The following CSMD2 variants were observed in gnomAD, a reference collection of about 807,000 sequenced individuals.
The protein encoded by CSMD2 is CUB and Sushi multiple domains 2, also known as CUB and sushi domain-containing protein 2.
Under a neutral mutation model 398.5 loss-of-function variants are expected in CSMD2, and 130 were observed. The ratio of observed to expected loss-of-function variants is 0.33; its 90% CI spans 0.28 to 0.38. The LOEUF (loss-of-function observed/expected upper bound fraction) is 0.38, where lower values mean the gene tolerates loss of function less well. Ranked by LOEUF, CSMD2 falls within the 10% of genes least tolerant of loss-of-function variation. CSMD2 has a pLI of 1.00. For missense variants in CSMD2, 3,829 were observed against 4,764.9 expected, an observed-to-expected ratio of 0.80 and a Z score of 5.78; for synonymous variants, 1,828 against 1,908.5, an observed-to-expected ratio of 0.96 and a Z score of 1.10.
At chr1:33,729,779 C>T (rs1646662865) in intron 15 of CSMD2, among the ~76,000 whole-genome samples, 1 of 152,106 alleles carries the variant, frequency 6.6e-6, no homozygotes, top group African/African-American at 2.4e-5. Context: ...TGTTTCTCAT[C>T]CATCAGATAG....
At chr1:33,934,520 T>C (rs1271062942) in intron 4 of CSMD2, among the ~76,000 whole-genome samples, 1 of 152,188 alleles carries the variant, frequency 6.6e-6, no homozygotes, top group Admixed American at 6.5e-5. Context: ...GATTGATTGT[T>C]TTTCAAAGGT....
chr1:33,712,084 G>A (rs1312788282), intron 21 of CSMD2, among the ~76,000 whole-genome samples: 2 of 152,358 alleles, frequency 1.3e-5, no homozygotes, highest in East Asian at 3.9e-4. Context: ...TGCTGTGGCT[G>A]ATTCTGGCAT....
chr1:34,033,284 A>G (rs769894677), intron 2 of CSMD2, among the ~76,000 whole-genome samples: 8 of 152,260 alleles, frequency 5.3e-5, no homozygotes, highest in Non-Finnish European at 1.0e-4. Context: ...TGGGATCAAT[A>G]GATGGAATCA....
chr1:33,855,985 G>A (rs938378975), intron 5 of CSMD2, among the ~76,000 whole-genome samples: 7 of 152,168 alleles, frequency 4.6e-5, no homozygotes, highest in African/African-American at 7.2e-5. Context: ...TTGAATCTGC[G>A]TTCTACTGTT....
chr1:33,567,953 C>T (rs1458122201), intron 52 of CSMD2, 112 bp from the exon 53 acceptor site: 1 of 1,314,602 alleles, frequency 7.6e-7, no homozygotes, highest in African/African-American at 1.5e-5. Context: ...CTCAGCATGA[C>T]AAAAATAGTG....
chr1:33,738,864 G>A (rs1015202504), intron 15 of CSMD2, among the ~76,000 whole-genome samples: 5 of 152,212 alleles, frequency 3.3e-5, no homozygotes, highest in African/African-American at 1.2e-4. Flanking sequence ...CTGTGATACC[G>A]AAGAGAGTTC....
intron 43 of CSMD2, 35 bp downstream of exon 43, chr1:33,602,333 CT>C: frequency 6.2e-7 from 1 of 1,610,128 alleles, no homozygotes; most frequent in Admixed American, 1.7e-5. Flanking sequence ...AGTAATGCTC[CT>C]TTCTAATTGG....
chr1:33,923,675 T>C (rs6698267), intron 4 of CSMD2, among the ~76,000 whole-genome samples: 5,227 of 152,266 alleles, frequency 0.034, 289 homozygotes, highest in African/African-American at 0.12. Context: ...TTTTGAAATA[T>C]ACATTGTTGT....
intron 2 of CSMD2, among the ~76,000 whole-genome samples, chr1:34,088,678 G>A (rs1658202294): frequency 1.3e-5 from 2 of 152,324 alleles, no homozygotes; most frequent in South Asian, 4.1e-4. Context: ...ATTTCTGTGT[G>A]TACAAATAAT....
chr1:33,651,722 C>T (rs1246404555), intron 28 of CSMD2, among the ~76,000 whole-genome samples: 1 of 152,166 alleles, frequency 6.6e-6, no homozygotes, highest in African/African-American at 2.4e-5. Context: ...GTGGATAAAA[C>T]ACAGAAAGGC....
chr1:34,121,978 G>A (rs1206721489), intron 1 of CSMD2, among the ~76,000 whole-genome samples: 1 of 147,518 alleles, frequency 6.8e-6, no homozygotes. Flanking sequence ...TCAGGCAGCT[G>A]GAAGGAATTT....
At position 33,698,708 on chromosome 1, in the gene CSMD2, T is replaced by C. The variant is rs375880836; in HGVS notation, c.3925+45A>G. 4 of 1,562,372 alleles carry C rather than the reference T, an allele frequency of 2.6e-6. No homozygotes were observed. The African/African-American group carries it at 5.4e-5, about 21-fold the overall frequency. ...ATGAGACCAGGACTAGAGCTTGGTA[T>C]TATGGGAGACCCAAGGGTTCCCTGC... On this transcript the variant is annotated intron_variant, in intron 24 of 70. Transcript: ENST00000373381.
At position 33,772,641 on chromosome 1, in the gene CSMD2, C is replaced by A. The variant is rs1468394344; in HGVS notation, c.1774G>T (p.Glu592Ter). The A allele has an allele frequency of 2.5e-6, 4 of 1,614,126 alleles. No individual in the cohort carries two copies. Residue 592 changes from glutamate (E) to a stop codon, truncating the protein, a stop_gained, in exon 13 of 71, where the codon GAG (glutamate) becomes TAG (stop). Transcript: ENST00000373381. LOFTEE classifies it high-confidence loss of function. The part of the protein sequence containing the change: ...TLKFECQPAF[E>*]LVGQKAITCQ... ...GTGATTGCCTTCTGTCCCACCAGCTCAAAGGCGGGCTGGCACTCAAACTTG... is the reference window on the plus strand; with the variant it reads ...GTGATTGCCTTCTGTCCCACCAGCTAAAAGGCGGGCTGGCACTCAAACTTG...
chr1:33,595,746 T>G lies in CSMD2; in HGVS notation c.6856+5119A>C, dbSNP rs544623533. On this transcript the variant is annotated intron_variant, in intron 44 of 70. Coordinates refer to ENST00000373381, the MANE Select transcript of CSMD2 (RefSeq NM_001281956.2). The stretch of plus-strand genomic sequence containing the variant: ...CTTAGTTTCTGCCATAAGATATTCC[T>G]GGCTTGTCTTCTACTTTCTCTGCCC... 8.1e-4 allele frequency among the ~76,000 whole-genome samples: 124 copies of G among 152,368 alleles called. 1 individual carries two copies. Among genetic ancestry groups the G allele is most frequent in the Non-Finnish European group, 1.2e-3 (80 of 68,032 alleles).
rs532805119 is a variant in CSMD2 at position 33,523,852 on chromosome 1, G to A, written c.10397-433C>T. 3.3e-5 allele frequency among the ~76,000 whole-genome samples: 5 copies of A among 152,306 alleles called. No homozygotes were observed. The South Asian group carries it at 1.0e-3, about 32-fold the overall frequency. On this transcript the variant is annotated intron_variant, in intron 66 of 70. Coordinates refer to ENST00000373381, the MANE Select transcript of CSMD2 (RefSeq NM_001281956.2). ...CCTGCAGTTGCGTAGGTGTGTGCAC[G>A]TATGAATGCGTAGATAGGATTTTAT...
chr1:34,052,240 A>C (rs918040942), intron 2 of CSMD2, among the ~76,000 whole-genome samples: 7 of 151,872 alleles, frequency 4.6e-5, no homozygotes, highest in African/African-American at 1.7e-4. Context: ...GAGTCAACCA[A>C]CCATGCATTG....
rs74499593 is a variant in CSMD2 at position 34,138,036 on chromosome 1, C to T, written c.187+26875G>A. Among the ~76,000 whole-genome samples, 1,481 of 152,274 alleles carry T rather than the reference C, an allele frequency of 9.7e-3. 22 individuals are homozygous for T. The highest frequency in any genetic ancestry group is 0.033 in the African/African-American group (1,387 of 41,540). Reference sequence around the variant, plus strand: ...CAGAATGATAAGCAAGAAAACATCCCATTTTCTGAACTGATTCTCTAACCA... The same window carrying T: ...CAGAATGATAAGCAAGAAAACATCCTATTTTCTGAACTGATTCTCTAACCA... On this transcript the variant is annotated intron_variant, in intron 1 of 70. Coordinates refer to ENST00000373381, the MANE Select transcript of CSMD2 (RefSeq NM_001281956.2).
intron 4 of CSMD2, among the ~76,000 whole-genome samples, chr1:33,928,940 G>A (rs1310882571): frequency 1.3e-5 from 2 of 152,132 alleles, no homozygotes; most frequent in Admixed American, 6.5e-5. Context: ...TCTCTTTCTA[G>A]CTTAGGACTC....
chr1:33,983,795 C>T (rs1264666858), intron 3 of CSMD2, among the ~76,000 whole-genome samples: 2 of 151,896 alleles, frequency 1.3e-5, no homozygotes, highest in East Asian at 1.9e-4. Context: ...AGCTGTTAGC[C>T]GAGAGTGAAC....
Sources: allele counts gnomAD v4.1 joint callset (sites outside exome capture counted in the v4.1 genomes callset), GRCh38; gene constraint gnomAD v4.1.1; transcripts MANE v1.5; gene names NCBI Gene and HGNC (gene_info 2026-07-23, HGNC 2026-07-21).